UHRF1: variants seen among roughly 807,000 people sequenced by gnomAD.
UHRF1 encodes ubiquitin like with PHD and ring finger domains 1, also known as E3 ubiquitin-protein ligase UHRF1.
Under a neutral mutation model 96.5 loss-of-function variants are expected in UHRF1, and 9 were observed. The observed-to-expected ratio is 0.09, with a 90% CI of 0.06 to 0.16. UHRF1 has a LOEUF of 0.16. Ranked by LOEUF, UHRF1 falls within the 10% of genes least tolerant of loss-of-function variation. The pLI, the probability that UHRF1 is intolerant of heterozygous loss-of-function variation, is 1.00. For synonymous variants in UHRF1, 455 were observed against 469.9 expected, an observed-to-expected ratio of 0.97 and a Z score of 0.41; for missense variants, 626 against 1,131.1, an observed-to-expected ratio of 0.55 and a Z score of 6.40.
chr19:4,956,172 C>G (rs868296273), intron 15 of UHRF1, among the ~76,000 whole-genome samples: 1 of 152,180 alleles, frequency 6.6e-6, no homozygotes, highest in Non-Finnish European at 1.5e-5. Context: ...CTTAGGTGAT[C>G]TGCTCACCTC....
intron 2 of UHRF1, among the ~76,000 whole-genome samples, chr19:4,926,831 G>A (rs1278385216): frequency 3.9e-5 from 6 of 152,034 alleles, no homozygotes; most frequent in Non-Finnish European, 8.8e-5. Context: ...TTGGAAGGTT[G>A]AGGTGGGCGG....
At chr19:4,917,919 C>T (rs2032577228) in intron 2 of UHRF1, among the ~76,000 whole-genome samples, 2 of 152,038 alleles carry the variant, frequency 1.3e-5, no homozygotes, top group Admixed American at 1.3e-4. Context: ...CCTCGGCCTT[C>T]TGAGTAGTTG....
At chr19:4,934,300 C>G (rs2033153412) in intron 5 of UHRF1, among the ~76,000 whole-genome samples, 1 of 152,136 alleles carries the variant, frequency 6.6e-6, no homozygotes. Flanking sequence ...TCCCACAGTG[C>G]TGGGATTACA....
intron 16 of UHRF1, among the ~76,000 whole-genome samples, chr19:4,958,285 C>G (rs1320044026): frequency 6.6e-6 from 1 of 152,234 alleles, no homozygotes; most frequent in Admixed American, 6.5e-5. Context: ...GGCGTGCAGG[C>G]ACTAATCCCT....
chr19:4,942,964 G>T (rs1482441823), intron 7 of UHRF1, among the ~76,000 whole-genome samples: 5 of 151,658 alleles, frequency 3.3e-5, no homozygotes, highest in Admixed American at 3.3e-4. Flanking sequence ...ATGAGGTCAG[G>T]TGCAGTGGCT....
chr19:4,928,813 C>A (rs1219838781), intron 2 of UHRF1, among the ~76,000 whole-genome samples: 3 of 152,142 alleles, frequency 2.0e-5, no homozygotes, highest in Non-Finnish European at 2.9e-5. Context: ...CAGACGTGGC[C>A]CAGCGTCCCC....
At chr19:4,911,665 G>A (rs1288197194) in intron 2 of UHRF1, among the ~76,000 whole-genome samples, 1 of 152,158 alleles carries the variant, frequency 6.6e-6, no homozygotes, top group East Asian at 1.9e-4. Context: ...GCCCCTCGTT[G>A]CATTTAAAAT....
chr19:4,934,236 G>T (rs2033151010), intron 5 of UHRF1, among the ~76,000 whole-genome samples: 1 of 151,798 alleles, frequency 6.6e-6, no homozygotes, highest in Non-Finnish European at 1.5e-5. Flanking sequence ...GTTTCACCAT[G>T]TTGGCCAGGC....
At chr19:4,911,873 G>A (rs761503617) in intron 2 of UHRF1, among the ~76,000 whole-genome samples, 12 of 152,130 alleles carry the variant, frequency 7.9e-5, no homozygotes, top group Non-Finnish European at 1.5e-4. Context: ...GGGGACGGGC[G>A]TAGACTACTG....
chr19:4,949,380 C>G (rs1230840138), intron 11 of UHRF1, among the ~76,000 whole-genome samples: 1 of 150,782 alleles, frequency 6.6e-6, no homozygotes, highest in Non-Finnish European at 1.5e-5. Flanking sequence ...CACTCTAACT[C>G]CGCTTTGAAA....
intron 6 of UHRF1, 34 bp from the exon 7 acceptor site, chr19:4,941,711 C>A: frequency 6.4e-7 from 1 of 1,555,114 alleles, no homozygotes; most frequent in African/African-American, 1.4e-5. Flanking sequence ...TTGGCCGGGC[C>A]CCGCCGGAGC....
At chr19:4,920,273 G>T (rs2146306863) in intron 2 of UHRF1, among the ~76,000 whole-genome samples, 1 of 152,000 alleles carries the variant, frequency 6.6e-6, no homozygotes, top group Non-Finnish European at 1.5e-5. Flanking sequence ...CTCTACCAAA[G>T]ATACAAAGAT....
At chr19:4,925,321 C>A (rs2032834472) in intron 2 of UHRF1, among the ~76,000 whole-genome samples, 1 of 152,114 alleles carries the variant, frequency 6.6e-6, no homozygotes, top group African/African-American at 2.4e-5. Flanking sequence ...CAGCCCCTGG[C>A]ACCCTCAAAT....
intron 10 of UHRF1, 22 bp downstream of exon 10, chr19:4,945,987 G>A (rs1273032055): frequency 2.6e-6 from 3 of 1,163,256 alleles, no homozygotes; most frequent in Non-Finnish European, 3.7e-6. Context: ...TGTGGGAGGG[G>A]TGGGGGAGGG....
chr19:4,958,009 C>T (rs2033903059), intron 16 of UHRF1, among the ~76,000 whole-genome samples: 1 of 152,264 alleles, frequency 6.6e-6, no homozygotes, highest in Non-Finnish European at 1.5e-5. Context: ...CCGCAGTCCT[C>T]TCAGCCATGG....
intron 5 of UHRF1, among the ~76,000 whole-genome samples, chr19:4,935,572 G>A (rs2033192286): frequency 6.6e-6 from 1 of 151,656 alleles, no homozygotes; most frequent in African/African-American, 2.4e-5. Flanking sequence ...TTGGTTCTTG[G>A]AGGCCGCCTG....
chr19:4,914,045 C>T (rs961325139), intron 2 of UHRF1, among the ~76,000 whole-genome samples: 3 of 151,920 alleles, frequency 2.0e-5, no homozygotes, highest in Non-Finnish European at 2.9e-5. Flanking sequence ...GAACTCCCGA[C>T]CTCAGGTGAT....
At chr19:4,959,367 G>A (rs2033934428) in intron 16 of UHRF1, among the ~76,000 whole-genome samples, 1 of 152,120 alleles carries the variant, frequency 6.6e-6, no homozygotes, top group South Asian at 2.1e-4. Flanking sequence ...CAGGCTGCCT[G>A]GGGCAGGTGA....
Position 4,954,439 on chromosome 19 carries a change from C to T in UHRF1, c.1908C>T (p.Gly636=), listed in dbSNP as rs1255052277. Reference sequence around the variant, plus strand: ...AGGAGGAGGAGCAGCAGGAGGGGGGCTTCGCGTCCCCCAGGACGGGCAAGG... The same window carrying T: ...AGGAGGAGGAGCAGCAGGAGGGGGGTTTCGCGTCCCCCAGGACGGGCAAGG... ...KREEEEQQEG[G]FASPRTGKGK... is the part of the protein sequence containing the mutation. The change falls in exon 14 of 17, where the codon GGC becomes GGT. Residue 636 remains glycine, a synonymous_variant. Transcript: ENST00000650932. The surrounding 1 kb of genome is among the most constrained non-coding windows in gnomAD (Gnocchi z 5.9). 9 of 1,613,558 alleles carry T rather than the reference C, an allele frequency of 5.6e-6. No homozygotes were observed. The highest frequency in any genetic ancestry group is 4.4e-5 in the South Asian group (4 of 91,068).
Sources: gnomAD v4.1 joint callset for allele counts (sites outside exome capture counted in the v4.1 genomes callset) on GRCh38, gnomAD v4.1.1 for gene constraint, Gnocchi (gnomAD v3.1) non-coding constraint, MANE v1.5 for transcripts, NCBI Gene and HGNC (gene_info 2026-07-23, HGNC 2026-07-21) for gene names.